The following COL16A1 variants were observed in gnomAD, a reference collection of about 807,000 sequenced individuals.
COL16A1 encodes the protein collagen type XVI alpha 1 chain.
COL16A1 carries 189 observed loss-of-function variants against 266.3 expected under a neutral mutation model. The observed-to-expected ratio is 0.71, with a 90% CI of 0.63 to 0.80. The LOEUF (loss-of-function observed/expected upper bound fraction) is 0.80. COL16A1 is among the 30% of genes least tolerant of loss of function. The pLI, the probability that COL16A1 is intolerant of heterozygous loss-of-function variation, is 0.00. For synonymous variants in COL16A1, 740 were observed against 782.3 expected (o/e 0.95, Z 0.90); for missense variants, 1,928 against 2,122.4 (o/e 0.91, Z 1.80).
At chr1:31,666,141 G>A (rs907042988) in intron 52 of COL16A1, 60 bp from the exon 53 acceptor site, 41 of 1,549,126 alleles carry the variant, frequency 2.6e-5, no homozygotes, top group Middle Eastern at 1.7e-4. Flanking sequence ...GATGAGGTAG[G>A]GGGATGTGAC....
chr1:31,690,454 G>A (rs369564592), intron 21 of COL16A1, 61 bp from the exon 22 acceptor site: 5 of 1,614,168 alleles, frequency 3.1e-6, no homozygotes, highest in Non-Finnish European at 2.5e-6. Context: ...GCCAACTGAG[G>A]GCCGGAGGAC....
chr1:31,666,910 G>A (rs947212646), intron 52 of COL16A1, among the ~76,000 whole-genome samples: 18 of 152,204 alleles, frequency 1.2e-4, no homozygotes, highest in African/African-American at 4.3e-4. Flanking sequence ...CCCCACGGCA[G>A]GGCAAGAGGG....
chr1:31,670,435 C>T lies in COL16A1; in HGVS notation c.3195+167G>A. On this transcript the variant is annotated intron_variant, in intron 49 of 70. Coordinates refer to ENST00000373672, the MANE Select transcript of COL16A1 (RefSeq NM_001856.4). This position sits in a 1 kb window ranked among gnomAD's most constrained non-coding sequence, Gnocchi z 4.5. ...AAGGAGTCAGAGACTGGGAGGATGT[C>T]CAAGCTGCCGGGACCTCAGAGAACC... is the stretch of plus-strand genomic sequence containing the variant. 1 of 826,974 alleles carries T rather than the reference C, an allele frequency of 1.2e-6. No individual in the cohort carries two copies. Among genetic ancestry groups the T allele is most frequent in the Non-Finnish European group, 1.7e-6 (1 of 592,468 alleles). 51.2% of individuals were successfully genotyped at this position (826,974 alleles called of 1,614,324 possible).
intron 55 of COL16A1, 126 bp from the exon 56 acceptor site, chr1:31,665,360 TTGGGAGCATTACGTCTGCCTGGCCTGC>T: frequency 1.4e-6 from 2 of 1,451,890 alleles, no homozygotes; most frequent in Non-Finnish European, 1.9e-6. Context: ...GAAGCACCAC[TTGGGAGCATTACGTCTGCCTGGCCTGC>T]TGGGCTGGGG....
rs887472140 is a variant in COL16A1, at chr1:31,662,788, C to A, written c.3556-130G>T. 5.9e-5 allele frequency: 53 copies of A among 900,746 alleles called. No individual in the cohort carries two copies. The East Asian group carries it at 1.3e-3, about 22-fold the overall frequency. The allele number at this position is 900,746 out of a possible 1,614,324, so 55.8% of individuals were successfully genotyped here. A position where few individuals can be genotyped will look rare whatever the true frequency, so the allele number is the denominator to read the frequency against. ...GGAAACAGGACAGCTGGCTTCTGGG[C>A]CCAATCTGTCCCTGTCTAACTGCAT... On this transcript the variant is annotated intron_variant, in intron 56 of 70. Coordinates refer to ENST00000373672, the MANE Select transcript of COL16A1 (RefSeq NM_001856.4).
At chr1:31,702,970 CCA>C (rs1237253891) in intron 1 of COL16A1, among the ~76,000 whole-genome samples, 2 of 152,162 alleles carry the variant, frequency 1.3e-5, no homozygotes, top group African/African-American at 4.8e-5. Flanking sequence ...GCCAGCAGAG[CCA>C]TACATCGTCT....
chr1:31,686,918 G>A (rs1344430969), intron 26 of COL16A1, among the ~76,000 whole-genome samples: 1 of 152,212 alleles, frequency 6.6e-6, no homozygotes, highest in African/African-American at 2.4e-5. Flanking sequence ...AGATCCGCAC[G>A]GCTAAAGCAG....
At position 31,697,158 on chromosome 1, in the gene COL16A1, C is replaced by T; in HGVS notation, c.738+62G>A. 1 of 1,612,566 alleles carries T rather than the reference C, an allele frequency of 6.2e-7. No homozygotes were observed. Among genetic ancestry groups the T allele is most frequent in the Admixed American group, 1.7e-5 (1 of 59,982 alleles). On this transcript the variant is annotated intron_variant, in intron 7 of 70. Coordinates refer to ENST00000373672, the MANE Select transcript of COL16A1 (RefSeq NM_001856.4). This position sits in a 1 kb window ranked among gnomAD's most constrained non-coding sequence, Gnocchi z 4.2. ...TCCTCCTAAGACCTCCAGGCATCAC[C>T]TTCCAGACCCTCATCTCCAGCACAG...
intron 34 of COL16A1, 98 bp downstream of exon 34, chr1:31,683,609 G>A: frequency 2.5e-6 from 4 of 1,607,922 alleles, no homozygotes; most frequent in Admixed American, 3.3e-5. Context: ...TGTGCCTCTG[G>A]GGGCAGGCAG....
chr1:31,670,717 TG>T lies in COL16A1; in HGVS notation c.3151-72del, dbSNP rs1457184908. 21 of 1,300,460 alleles carry T rather than the reference TG, an allele frequency of 1.6e-5. No individual in the cohort carries two copies. The Admixed American group carries it at 7.9e-4, about 49-fold the overall frequency. The allele number at this position is 1,300,460 out of a possible 1,614,324, so 80.6% of individuals were successfully genotyped here. A position where few individuals can be genotyped will look rare whatever the true frequency, so the allele number is the denominator to read the frequency against. On this transcript the variant is annotated intron_variant, in intron 48 of 70. Coordinates refer to ENST00000373672, the MANE Select transcript of COL16A1 (RefSeq NM_001856.4). The surrounding 1 kb of genome is among the most constrained non-coding windows in gnomAD (Gnocchi z 4.5). Reference sequence around the variant, plus strand: ...CTGGGACAGCCTGGAGGGCACAGTCTGGGGCTTGGGGGTCATGGGGAGAGGA... The same window carrying T: ...CTGGGACAGCCTGGAGGGCACAGTCTGGGCTTGGGGGTCATGGGGAGAGGA...
chr1:31,700,674 C>T (rs1461886428), intron 2 of COL16A1, among the ~76,000 whole-genome samples: 1 of 152,132 alleles, frequency 6.6e-6, no homozygotes, highest in African/African-American at 2.4e-5. Flanking sequence ...AGCTGGCACA[C>T]GTGTTCTCAG....
At chr1:31,680,958 A>G in intron 38 of COL16A1, 27 bp from the exon 39 acceptor site, 1 of 1,614,074 alleles carries the variant, frequency 6.2e-7, no homozygotes, top group Non-Finnish European at 8.5e-7. Flanking sequence ...CAGGAAGGTG[A>G]GCAGATAGGG....
Position 31,685,793 on chromosome 1 carries a change from T to C in COL16A1, c.1885-23A>G, listed in dbSNP as rs778242058. On this transcript the variant is annotated intron_variant, in intron 28 of 70. Transcript: ENST00000373672. The surrounding 1 kb of genome is among the most constrained non-coding windows in gnomAD (Gnocchi z 4.0). ...CCCCTGCCAAGCAAGGACATTGAGT[T>C]AGGGGGTCCCCCAGGCCCTAGTGCA... The C allele has an allele frequency of 1.2e-6, 2 of 1,612,288 alleles. No homozygotes were observed. The highest frequency in any genetic ancestry group is 2.2e-5 in the South Asian group (2 of 91,020).
intron 39 of COL16A1, among the ~76,000 whole-genome samples, chr1:31,680,455 T>C (rs1643549015): frequency 6.6e-6 from 1 of 152,172 alleles, no homozygotes; most frequent in Admixed American, 6.5e-5. Context: ...TCAGTACAAC[T>C]GCAGCCCCAC....
Position 31,689,794 on chromosome 1 carries a change from G to A in COL16A1, c.1567C>T (p.Leu523Phe), listed in dbSNP as rs1644172727. The A allele has an allele frequency of 6.2e-7, 1 of 1,614,044 alleles. No homozygotes were observed. The highest frequency in any genetic ancestry group is 8.5e-7 in the Non-Finnish European group (1 of 1,180,026). The change falls in exon 23 of 71, where the codon CTT becomes TTT. Residue 523 changes from leucine (L) to phenylalanine (F), a missense_variant. This residue lies in a region of COL16A1 where 1,552 missense variants were observed against 1,637.2 expected (regional missense o/e 0.95). Transcript: ENST00000373672. The part of the protein sequence containing the change: ...LPEGFQNFVG[L>F]PGKPGPKGEP... ...CCTTTGGGCCCTGGCTTTCCAGGAAGTCCAACAAAGTTCTGGAACCCTTCA... is the reference window on the plus strand; with the variant it reads ...CCTTTGGGCCCTGGCTTTCCAGGAAATCCAACAAAGTTCTGGAACCCTTCA...
chr1:31,684,946 A>C, intron 29 of COL16A1, 90 bp from the exon 30 acceptor site: 1 of 1,599,112 alleles, frequency 6.3e-7, no homozygotes, highest in Non-Finnish European at 8.5e-7. Flanking sequence ...TACAACAGTA[A>C]ACAAACAAAC....
At chr1:31,658,446 A>C (rs1475617985) in intron 64 of COL16A1, 42 bp downstream of exon 64, 8 of 1,513,850 alleles carry the variant, frequency 5.3e-6, no homozygotes, top group Non-Finnish European at 7.2e-6. Flanking sequence ...GAGCCAATTG[A>C]CTCTTTCCCC....
In COL16A1 at chr1:31,664,353, T is replaced by G. The variant is rs553783033; in HGVS notation, c.3555+819A>C. 5.3e-5 allele frequency among the ~76,000 whole-genome samples: 8 copies of G among 152,146 alleles called. No homozygotes were observed. Among genetic ancestry groups the G allele is most frequent in the Non-Finnish European group, 7.4e-5 (5 of 67,954 alleles). On this transcript the variant is annotated intron_variant, in intron 56 of 70. Coordinates refer to ENST00000373672, the MANE Select transcript of COL16A1 (RefSeq NM_001856.4). The surrounding 1 kb of genome is among the most constrained non-coding windows in gnomAD (Gnocchi z 5.5). ...TGGGCTGCCCCAAGCCTTGTGGGTG[T>G]CAGTTTCCTCACCTGCACAGTGAGA...
At position 31,668,760 on chromosome 1, in the gene COL16A1, TCCCTTTCCAG is replaced by T. The variant is rs748470067; in HGVS notation, c.3249+32_3249+41del. ...CAAGCTCTGCCTCCCCAGCTCTTCCTCCCTTTCCAGCCCTTTCCAGCCCCTGCCAGCTTCT... is the reference window on the plus strand; with the variant it reads ...CAAGCTCTGCCTCCCCAGCTCTTCCTCCCTTTCCAGCCCCTGCCAGCTTCT... On this transcript the variant is annotated intron_variant, in intron 50 of 70. Transcript: ENST00000373672. The surrounding 1 kb of genome is among the most constrained non-coding windows in gnomAD (Gnocchi z 5.8). 1.2e-5 allele frequency: 20 copies of T among 1,611,464 alleles called. No individual in the cohort carries two copies. The highest frequency in any genetic ancestry group is 5.1e-6 in the Non-Finnish European group (6 of 1,177,992).
Sources: gnomAD v4.1 joint callset for allele counts (sites outside exome capture counted in the v4.1 genomes callset) on GRCh38, gnomAD v4.1.1 for gene constraint, gnomAD v4.1.1 regional missense constraint, Gnocchi (gnomAD v3.1) non-coding constraint, MANE v1.5 for transcripts, NCBI Gene and HGNC (gene_info 2026-07-23, HGNC 2026-07-21) for gene names.